Variants in ADAM32 observed in about 807,000 individuals in gnomAD.
ADAM32 encodes disintegrin and metalloproteinase domain-containing protein 32.
A neutral mutation model predicts 114.9 loss-of-function variants in ADAM32; 89 were observed. The ratio of observed to expected loss-of-function variants is 0.77; its 90% CI spans 0.65 to 0.92. The LOEUF is 0.92. Among genes scored for constraint, ADAM32 ranks in the 40% least tolerant of loss-of-function variants. ADAM32 has a pLI of 0.00. For missense variants in ADAM32, 870 were observed against 932.8 expected (o/e 0.93, Z 0.88); for synonymous variants, 285 against 307.5 (o/e 0.93, Z 0.77).
chr8:39,135,509 G>T (rs1802746589), intron 2 of ADAM32, among the ~76,000 whole-genome samples: 2 of 152,144 alleles, frequency 1.3e-5, no homozygotes, highest in Admixed American at 6.5e-5. Flanking sequence ...ATAGCCACAT[G>T]AATACATTAT....
chr8:39,107,689 A>T (rs1163085986), upstream of ADAM32: 20 of 1,540,714 alleles, frequency 1.3e-5, no homozygotes, highest in Non-Finnish European at 9.6e-6. Flanking sequence ...ACGTGCGGGG[A>T]GCGGCCCCCG....
chr8:39,190,851 T>A (rs1178793427), intron 11 of ADAM32, among the ~76,000 whole-genome samples: 1 of 152,162 alleles, frequency 6.6e-6, no homozygotes, highest in Non-Finnish European at 1.5e-5. Flanking sequence ...GTTGTACAGA[T>A]TATTTTGCCA....
upstream of ADAM32, chr8:39,107,594 C>T (rs1015768975): frequency 3.6e-5 from 51 of 1,412,932 alleles, no homozygotes; most frequent in Admixed American, 4.9e-4. Flanking sequence ...AGCCTCGGGG[C>T]GCACGCTGCG....
intron 14 of ADAM32, among the ~76,000 whole-genome samples, chr8:39,230,066 A>G (rs1363367215): frequency 6.6e-6 from 1 of 152,150 alleles, no homozygotes; most frequent in African/African-American, 2.4e-5. Context: ...CCTATCTATG[A>G]CATGCATCCA....
intron 7 of ADAM32, among the ~76,000 whole-genome samples, chr8:39,163,077 A>G (rs1220158181): frequency 6.6e-6 from 1 of 152,192 alleles, no homozygotes; most frequent in African/African-American, 2.4e-5. Context: ...GTAAATCCGT[A>G]ATTATGGCAT....
intron 14 of ADAM32, among the ~76,000 whole-genome samples, chr8:39,231,230 G>T (rs1233005599): frequency 6.6e-6 from 1 of 152,132 alleles, no homozygotes; most frequent in East Asian, 1.9e-4. Context: ...TCTCCTGTGG[G>T]TTTAGAGGAA....
chr8:39,203,097 A>T (rs1000483831), intron 11 of ADAM32, among the ~76,000 whole-genome samples: 1 of 152,218 alleles, frequency 6.6e-6, no homozygotes, highest in African/African-American at 2.4e-5. Flanking sequence ...GCTGAGAAGC[A>T]TGTATATTCT....
chr8:39,118,739 A>C (rs1022651947), intron 2 of ADAM32, among the ~76,000 whole-genome samples: 2 of 152,172 alleles, frequency 1.3e-5, no homozygotes, highest in African/African-American at 4.8e-5. Context: ...GTAACATTCT[A>C]TTTTTAGCAG....
chr8:39,219,037 G>A (rs568040260), intron 12 of ADAM32, among the ~76,000 whole-genome samples: 1 of 151,962 alleles, frequency 6.6e-6, no homozygotes, highest in Admixed American at 6.5e-5. Flanking sequence ...TTCTGGCCAG[G>A]GTGTGTTTAG....
intron 11 of ADAM32, among the ~76,000 whole-genome samples, chr8:39,209,667 C>T (rs1361950620): frequency 2.6e-5 from 4 of 152,202 alleles, no homozygotes; most frequent in Non-Finnish European, 5.9e-5. Flanking sequence ...AGACCATGGT[C>T]ACTGCTGCCA....
At chr8:39,219,768 A>G (rs1226923773) in intron 12 of ADAM32, among the ~76,000 whole-genome samples, 2 of 152,114 alleles carry the variant, frequency 1.3e-5, no homozygotes, top group African/African-American at 4.8e-5. Context: ...TCTTCTTGGT[A>G]TTGATTTCTA....
chr8:39,279,576 C>G (rs1430555274), intron 22 of ADAM32, among the ~76,000 whole-genome samples: 3 of 152,174 alleles, frequency 2.0e-5, no homozygotes, highest in Non-Finnish European at 4.4e-5. Context: ...GCCACCATGC[C>G]CGGACTAGCA....
chr8:39,195,260 C>T (rs1354124319), intron 11 of ADAM32, among the ~76,000 whole-genome samples: 3 of 152,142 alleles, frequency 2.0e-5, no homozygotes, highest in Non-Finnish European at 4.4e-5. Context: ...ACCTTGCCAC[C>T]TCTCCCCTTA....
At chr8:39,144,293 C>T (rs1287955401) in intron 3 of ADAM32, among the ~76,000 whole-genome samples, 1 of 152,212 alleles carries the variant, frequency 6.6e-6, no homozygotes, top group African/African-American at 2.4e-5. Flanking sequence ...GAAATCACTG[C>T]TCTTTTGTGT....
intron 10 of ADAM32, among the ~76,000 whole-genome samples, chr8:39,177,039 G>A (rs55977531): frequency 0.24 from 35,403 of 150,608 alleles, 4,698 homozygotes; most frequent in Non-Finnish European, 0.29. Context: ...CATTTGCTTG[G>A]TAAATTTTTC....
chr8:39,109,052 T>G (rs1016481693), intron 1 of ADAM32, among the ~76,000 whole-genome samples: 4 of 152,158 alleles, frequency 2.6e-5, no homozygotes, highest in African/African-American at 9.7e-5. Flanking sequence ...ACATAGAATT[T>G]TGTGGGATAC....
intron 10 of ADAM32, among the ~76,000 whole-genome samples, chr8:39,172,948 C>T (rs1805288084): frequency 6.6e-6 from 1 of 152,216 alleles, no homozygotes; most frequent in African/African-American, 2.4e-5. Flanking sequence ...AACTAATTTA[C>T]ATTCCCACCA....
At chr8:39,270,849 C>T (rs1169238148) in intron 19 of ADAM32, 27 bp from the exon 20 acceptor site, 1 of 1,591,822 alleles carries the variant, frequency 6.3e-7, no homozygotes, top group East Asian at 2.2e-5. Flanking sequence ...TAAGTACTAA[C>T]ATGAGACATT....
intron 1 of ADAM32, among the ~76,000 whole-genome samples, chr8:39,116,795 G>A (rs1464028381): frequency 6.6e-6 from 1 of 152,090 alleles, no homozygotes; most frequent in Non-Finnish European, 1.5e-5. Flanking sequence ...TGGTGAGAGT[G>A]GGCATCCTTG....
Sources: allele counts gnomAD v4.1 joint callset (sites outside exome capture counted in the v4.1 genomes callset), GRCh38; gene constraint gnomAD v4.1.1; transcripts MANE v1.5; gene names NCBI Gene and HGNC (gene_info 2026-07-23, HGNC 2026-07-21).